The following SEL1L2 variants were observed in gnomAD, a reference collection of about 807,000 sequenced individuals.
The protein encoded by SEL1L2 is protein sel-1 homolog 2.
A neutral mutation model predicts 98.8 loss-of-function variants in SEL1L2; 89 were observed. That is an observed-to-expected ratio of 0.90 (90% confidence interval 0.76 to 1.07). The LOEUF is 1.07. Among genes scored for constraint, SEL1L2 ranks in the 50% least tolerant of loss-of-function variants. The pLI is 0.00. For missense variants in SEL1L2, 788 were observed against 812.0 expected, an observed-to-expected ratio of 0.97 and a Z score of 0.36; for synonymous variants, 262 against 278.5, an observed-to-expected ratio of 0.94 and a Z score of 0.59.
chr20:13,865,182 G>C lies in SEL1L2; in HGVS notation c.1630C>G (p.Arg544Gly). Residue 544 changes from arginine (R) to glycine (G), a missense_variant, in exon 17 of 20, where the codon CGA becomes GGA. By Grantham distance (125) the Arg-to-Gly change is moderately radical. Coordinates refer to ENST00000284951, the MANE Select transcript of SEL1L2 (RefSeq NM_025229.2). ...MYPMALLLWN[R>G]AAIQGNAFAR... ...GGTTCCATACCTTGAATGGCAGCTC[G>C]ATTCCATAGGAGAAGCGCCATTGGA... is the stretch of plus-strand genomic sequence containing the variant. The C allele has an allele frequency of 3.1e-6, 5 of 1,612,430 alleles. No individual in the cohort carries two copies. Among genetic ancestry groups the C allele is most frequent in the Non-Finnish European group, 4.2e-6 (5 of 1,178,774 alleles).
At chr20:13,985,728 T>C (rs1285032217) in intron 1 of SEL1L2, among the ~76,000 whole-genome samples, 2 of 152,184 alleles carry the variant, frequency 1.3e-5, no homozygotes, top group African/African-American at 4.8e-5. Flanking sequence ...TATTCACAAA[T>C]TTATGCAAAC....
At chr20:13,859,201 C>T in intron 18 of SEL1L2, 61 bp downstream of exon 18, 2 of 1,470,266 alleles carry the variant, frequency 1.4e-6, no homozygotes, top group Non-Finnish European at 9.5e-7. Context: ...AAAACATTTA[C>T]ACATTCTGTC....
At chr20:13,923,785 ATAT>A (rs1196075027) in intron 3 of SEL1L2, among the ~76,000 whole-genome samples, 1 of 152,140 alleles carries the variant, frequency 6.6e-6, no homozygotes, top group Non-Finnish European at 1.5e-5. Context: ...ACAAAAAAAG[ATAT>A]TATATATTCT....
At chr20:13,971,250 C>T (rs2051270955) in intron 1 of SEL1L2, among the ~76,000 whole-genome samples, 1 of 152,106 alleles carries the variant, frequency 6.6e-6, no homozygotes, top group Non-Finnish European at 1.5e-5. Context: ...GTATCCTTTT[C>T]ACCATAGAGG....
intron 2 of SEL1L2, among the ~76,000 whole-genome samples, chr20:13,944,418 T>C (rs2049918970): frequency 6.6e-6 from 1 of 152,036 alleles, no homozygotes; most frequent in Non-Finnish European, 1.5e-5. Context: ...GGGATTGGAT[T>C]CCGGATATTT....
intron 4 of SEL1L2, among the ~76,000 whole-genome samples, chr20:13,917,228 T>G (rs561479526): frequency 6.6e-6 from 1 of 152,252 alleles, no homozygotes; most frequent in East Asian, 1.9e-4. Flanking sequence ...CTTACTTATT[T>G]AGCCAGTGGG....
intron 18 of SEL1L2, among the ~76,000 whole-genome samples, chr20:13,854,796 G>A (rs1204070814): frequency 6.6e-6 from 1 of 152,214 alleles, no homozygotes; most frequent in Non-Finnish European, 1.5e-5. Context: ...GCTCACGCCT[G>A]TAACCCCAGC....
In SEL1L2 at chr20:13,886,408, T is replaced by C. The variant is rs1187416567; in HGVS notation, c.780A>G (p.Pro260=). ...TTTCCGTTAGTCTCACTTTTTCCAC[T>C]GGAACACCTTCACTTTTTTCAAATG... ...ADTFEKSEGV[P]VEKVRLTERP... is the part of the protein sequence containing the mutation. Residue 260 remains proline, a synonymous_variant, in exon 9 of 20, where the codon CCA becomes CCG. Transcript: ENST00000284951. 2 of 1,613,976 alleles carry C rather than the reference T, an allele frequency of 1.2e-6. No individual in the cohort carries two copies. Among genetic ancestry groups the C allele is most frequent in the Non-Finnish European group, 1.7e-6 (2 of 1,179,992 alleles).
chr20:13,989,549 T>A (rs1368311500), intron 1 of SEL1L2, among the ~76,000 whole-genome samples: 1 of 152,256 alleles, frequency 6.6e-6, no homozygotes, highest in Admixed American at 6.5e-5. Flanking sequence ...TTATTCCTGA[T>A]GTTAGGGATG....
At chr20:13,969,429 A>T (rs1192350946) in intron 1 of SEL1L2, among the ~76,000 whole-genome samples, 2 of 152,214 alleles carry the variant, frequency 1.3e-5, no homozygotes, top group African/African-American at 2.4e-5. Flanking sequence ...TGAATTGCAC[A>T]GTCGTGGGTG....
Position 13,944,941 on chromosome 20 carries a change from G to T in SEL1L2, c.114+11135C>A, listed in dbSNP as rs188466653. ...TTTGACTAGGGAGATGTTCAGGTTTGCTGGGAAACACTGAAGGCCTCCTTA... is the reference window on the plus strand; with the variant it reads ...TTTGACTAGGGAGATGTTCAGGTTTTCTGGGAAACACTGAAGGCCTCCTTA... On this transcript the variant is annotated intron_variant, in intron 2 of 19. Transcript: ENST00000284951. 3.8e-4 allele frequency among the ~76,000 whole-genome samples: 58 copies of T among 152,274 alleles called. No individual in the cohort carries two copies. In the Middle Eastern group the frequency reaches 0.014, roughly 36 times the overall value.
Position 13,931,774 on chromosome 20 carries a change from A to G in SEL1L2, c.115-3T>C, listed in dbSNP as rs1387223382. 3.3e-6 allele frequency: 5 copies of G among 1,512,972 alleles called. No homozygotes were observed. Among genetic ancestry groups the G allele is most frequent in the Middle Eastern group, 1.8e-4 (1 of 5,678 alleles). 93.7% of individuals were successfully genotyped at this position (1,512,972 alleles called of 1,614,324 possible). On this transcript the variant is annotated splice_region_variant and splice_polypyrimidine_tract_variant and intron_variant, in intron 2 of 19. Transcript: ENST00000284951. ...TGTTTGATTTCGTTCACTGATACCT[A>G]CAAAGAAAAAGACTGTTGCTCATTT... is the stretch of plus-strand genomic sequence containing the variant.
chr20:13,961,229 C>T (rs1290037743), intron 1 of SEL1L2, among the ~76,000 whole-genome samples: 2 of 152,298 alleles, frequency 1.3e-5, no homozygotes, highest in Admixed American at 1.3e-4. Context: ...AAAGGATTCA[C>T]AATAGGTTGA....
intron 12 of SEL1L2, among the ~76,000 whole-genome samples, chr20:13,871,346 T>C (rs953161094): frequency 3.9e-5 from 6 of 152,222 alleles, no homozygotes. Flanking sequence ...GCACATTTAG[T>C]ATTCAGCACA....
intron 18 of SEL1L2, among the ~76,000 whole-genome samples, chr20:13,851,678 G>A (rs920854491): frequency 1.3e-5 from 2 of 152,036 alleles, no homozygotes; most frequent in South Asian, 4.1e-4. Flanking sequence ...AGGTGAAAGT[G>A]CCCTGGGCCA....
intron 10 of SEL1L2, among the ~76,000 whole-genome samples, chr20:13,882,590 C>T (rs1250267081): frequency 6.6e-6 from 1 of 152,182 alleles, no homozygotes; most frequent in African/African-American, 2.4e-5. Context: ...CATAAACCAG[C>T]CAGCTCTAGC....
rs1360973519 is a variant in SEL1L2 at position 13,913,867 on chromosome 20, A to G, written c.464T>C (p.Phe155Ser). ...TATATTTTGCACGCCAAAATTTCCA[A>G]ATAGCAAAGCGTCAGCCATTTTCTC... ...AMEKMADALL[F>S]GNFGVQNITA... Residue 155 changes from phenylalanine (F) to serine (S), a missense_variant, in exon 5 of 20, where the codon TTT becomes TCT. Transcript: ENST00000284951. 1 of 1,560,402 alleles carries G rather than the reference A, an allele frequency of 6.4e-7. No individual in the cohort carries two copies. Among genetic ancestry groups the G allele is most frequent in the East Asian group, 2.5e-5 (1 of 40,764 alleles).
intron 3 of SEL1L2, among the ~76,000 whole-genome samples, chr20:13,921,168 T>C (rs1451724925): frequency 6.6e-6 from 1 of 152,214 alleles, no homozygotes; most frequent in African/African-American, 2.4e-5. Flanking sequence ...TTTTTGGCTT[T>C]CCAAATGTAT....
chr20:13,946,043 C>A (rs2049991739), intron 2 of SEL1L2, among the ~76,000 whole-genome samples: 1 of 152,124 alleles, frequency 6.6e-6, no homozygotes, highest in Non-Finnish European at 1.5e-5. Flanking sequence ...AGACCAAAAG[C>A]TTTTCCTCTG....
Sources: allele counts gnomAD v4.1 joint callset (sites outside exome capture counted in the v4.1 genomes callset), GRCh38; gene constraint gnomAD v4.1.1; transcripts MANE v1.5; gene names NCBI Gene and HGNC (gene_info 2026-07-23, HGNC 2026-07-21).